FLYWCH2: variants seen among roughly 807,000 people sequenced by gnomAD.
FLYWCH2 encodes the protein FLYWCH family member 2.
A neutral mutation model predicts 6.0 loss-of-function variants in FLYWCH2; 2 were observed. The observed-to-expected ratio is 0.33, with a 90% confidence interval of 0.14 to 1.04. FLYWCH2 has a LOEUF of 1.04. FLYWCH2 is among the 50% of genes least tolerant of loss of function. FLYWCH2 has a pLI of 0.45. For missense variants in FLYWCH2, 192 were observed against 183.4 expected, an observed-to-expected ratio of 1.05 and a Z score of -0.27; for synonymous variants, 87 against 79.3, an observed-to-expected ratio of 1.10 and a Z score of -0.52.
At chr16:2,890,440 G>C (rs548568293) in intron 1 of FLYWCH2, among the ~76,000 whole-genome samples, 3 of 147,334 alleles carry the variant, frequency 2.0e-5, no homozygotes, top group South Asian at 4.3e-4. Flanking sequence ...TTGAGACAAC[G>C]TTCTGCTCTT....
intron 1 of FLYWCH2, among the ~76,000 whole-genome samples, chr16:2,885,625 T>A (rs1305742502): frequency 6.6e-6 from 1 of 152,262 alleles, no homozygotes; most frequent in Non-Finnish European, 1.5e-5. Context: ...CATAATTTCT[T>A]CAAGGTTCAT....
At chr16:2,897,000 G>T in intron 3 of FLYWCH2, 1 of 588,140 alleles carries the variant, frequency 1.7e-6, no homozygotes, top group African/African-American at 1.9e-5. Context: ...TCCCCACTCT[G>T]GAATGCGCTG....
chr16:2,891,495 C>G (rs1321334716), intron 1 of FLYWCH2, among the ~76,000 whole-genome samples: 2 of 152,112 alleles, frequency 1.3e-5, no homozygotes, highest in Non-Finnish European at 2.9e-5. Flanking sequence ...AGCTCCGCCT[C>G]CCGGGTTCAC....
chr16:2,887,264 G>C (rs2069708484), intron 1 of FLYWCH2, among the ~76,000 whole-genome samples: 1 of 149,962 alleles, frequency 6.7e-6, no homozygotes, highest in Admixed American at 6.6e-5. Context: ...TTCCACCTCA[G>C]CTTCCCAAGT....
At chr16:2,888,324 T>C (rs2069721229) in intron 1 of FLYWCH2, among the ~76,000 whole-genome samples, 1 of 151,926 alleles carries the variant, frequency 6.6e-6, no homozygotes. Context: ...TCGGTCTTTA[T>C]GCCAGTACCA....
chr16:2,891,750 G>C (rs1567304528), intron 1 of FLYWCH2, among the ~76,000 whole-genome samples: 1 of 151,960 alleles, frequency 6.6e-6, no homozygotes. Flanking sequence ...TAGTGATGAG[G>C]TCTCGCTATG....
chr16:2,898,416 C>T (rs1021898690), intron 3 of FLYWCH2, among the ~76,000 whole-genome samples: 2 of 152,218 alleles, frequency 1.3e-5, no homozygotes, highest in East Asian at 1.9e-4. Context: ...GCAGAGGATG[C>T]AGTCCCCATG....
At chr16:2,889,327 C>T (rs1183368319) in intron 1 of FLYWCH2, among the ~76,000 whole-genome samples, 2 of 150,718 alleles carry the variant, frequency 1.3e-5, no homozygotes, top group Non-Finnish European at 2.9e-5. Context: ...TCTCCTGCCT[C>T]AGCCTCCCGA....
intron 3 of FLYWCH2, among the ~76,000 whole-genome samples, chr16:2,898,339 GC>G (rs2069846094): frequency 6.6e-6 from 1 of 152,130 alleles, no homozygotes; most frequent in Non-Finnish European, 1.5e-5. Context: ...TTACTGCGAA[GC>G]CCCCACCATC....
chr16:2,884,051 C>A, intron 1 of FLYWCH2, among the ~76,000 whole-genome samples: 1 of 152,108 alleles, frequency 6.6e-6, no homozygotes, highest in East Asian at 1.9e-4. Context: ...CCTTAGTGTC[C>A]CGTCATCCTG....
chr16:2,884,900 CG>C (rs2069681560), intron 1 of FLYWCH2, among the ~76,000 whole-genome samples: 1 of 151,424 alleles, frequency 6.6e-6, no homozygotes, highest in Non-Finnish European at 1.5e-5. Context: ...AAAAAAACTC[CG>C]GGTGATTCTT....
intron 1 of FLYWCH2, among the ~76,000 whole-genome samples, chr16:2,888,484 CAA>C (rs76190008): frequency 0.45 from 47,200 of 105,314 alleles, 8,308 homozygotes; most frequent in Non-Finnish European, 0.48. Context: ...TCAGTTTCTC[CAA>C]AAAAAAAAAA....
chr16:2,899,191 A>T lies in FLYWCH2; in HGVS notation c.*42A>T, dbSNP rs1453170508. 6.7e-7 allele frequency: 1 copy of T among 1,503,394 alleles called. No homozygotes were observed. Among genetic ancestry groups the T allele is most frequent in the African/African-American group, 1.4e-5 (1 of 71,864 alleles). The allele number at this position is 1,503,394 out of a possible 1,614,324, so 93.1% of individuals were successfully genotyped here. A position where few individuals can be genotyped will look rare whatever the true frequency, so the allele number is the denominator to read the frequency against. On this transcript the variant is annotated 3_prime_UTR_variant, in exon 4 of 4. Transcript: ENST00000396958. ...ATCCTCCCAGGCCACCAACCCAGCC[A>T]TAGGCTCTTCTCTGTCCGCAGGGCT...
intron 1 of FLYWCH2, among the ~76,000 whole-genome samples, chr16:2,890,417 T>TG (rs1401214714): frequency 0.018 from 1,260 of 68,398 alleles, 6 homozygotes; most frequent in African/African-American, 0.021. Context: ...GCCTGACTAA[T>TG]TTTTTTTTTT....
chr16:2,892,751 G>T (rs941477257), intron 1 of FLYWCH2, among the ~76,000 whole-genome samples: 7 of 151,408 alleles, frequency 4.6e-5, no homozygotes, highest in African/African-American at 1.7e-4. Flanking sequence ...GGCTGAGGCA[G>T]GAGGATCACT....
Position 2,899,000 on chromosome 16 carries a change from C to T in FLYWCH2, c.323-49C>T, listed in dbSNP as rs754366085. 5 of 1,485,152 alleles carry T rather than the reference C, an allele frequency of 3.4e-6. No homozygotes were observed. The South Asian group carries it at 4.8e-5, about 14-fold the overall frequency. 92.0% of individuals were successfully genotyped at this position (1,485,152 alleles called of 1,614,324 possible). A position where few individuals can be genotyped will look rare whatever the true frequency, so the allele number is the denominator to read the frequency against. On this transcript the variant is annotated intron_variant, in intron 3 of 3. Coordinates refer to ENST00000396958, the MANE Select transcript of FLYWCH2 (RefSeq NM_138439.3). ...GTAGACCCCCAACAGCCAAGCTGAG[C>T]CCTCCCATCTCCATTGACACCAGCC... is the stretch of plus-strand genomic sequence containing the variant.
intron 3 of FLYWCH2, among the ~76,000 whole-genome samples, chr16:2,898,488 T>G (rs1465680529): frequency 1.3e-5 from 2 of 152,188 alleles, no homozygotes; most frequent in African/African-American, 4.8e-5. Flanking sequence ...AGGAGGTCCC[T>G]GCAGAGGGCA....
At chr16:2,898,816 AC>A (rs1174187631) in intron 3 of FLYWCH2, 2 of 439,750 alleles carry the variant, frequency 4.5e-6, no homozygotes, top group East Asian at 7.7e-5. Flanking sequence ...AGTGCTCAGC[AC>A]AAACTTGGCC....
intron 1 of FLYWCH2, among the ~76,000 whole-genome samples, chr16:2,894,900 G>A (rs890936139): frequency 2.6e-5 from 4 of 152,160 alleles, no homozygotes; most frequent in African/African-American, 9.6e-5. Flanking sequence ...CGCATTGGGA[G>A]GGGTCCAAGG....
Sources: allele counts gnomAD v4.1 joint callset (sites outside exome capture counted in the v4.1 genomes callset), GRCh38; gene constraint gnomAD v4.1.1; transcripts MANE v1.5; gene names NCBI Gene and HGNC (gene_info 2026-07-23, HGNC 2026-07-21).